Variants in CRK observed in about 807,000 individuals in gnomAD.
CRK encodes the protein adapter molecule crk.
Under a neutral mutation model 29.8 loss-of-function variants are expected in CRK, and 4 were observed. The ratio of observed to expected loss-of-function variants is 0.13; its 90% CI spans 0.07 to 0.31. The LOEUF (loss-of-function observed/expected upper bound fraction) is 0.31. Ranked by LOEUF, CRK falls within the 10% of genes least tolerant of loss-of-function variation. The pLI is 1.00. For synonymous variants in CRK, 153 were observed against 164.9 expected (o/e 0.93, Z 0.55); for missense variants, 274 against 396.5 (o/e 0.69, Z 2.62).
intron 1 of CRK, among the ~76,000 whole-genome samples, chr17:1,454,011 G>A (rs529244220): frequency 5.9e-5 from 9 of 152,156 alleles, no homozygotes; most frequent in Admixed American, 5.2e-4. Flanking sequence ...GACCAATCTG[G>A]CCAACCTGGT....
chr17:1,447,210 C>T lies in CRK; in HGVS notation c.241+8667G>A, dbSNP rs139652266. ...CAGCCAAAGGCAGGAAATAGAAGGG[C>T]GGGAAAGGAAGGAGGCACAGTCAGC... On this transcript the variant is annotated intron_variant, in intron 1 of 2. Coordinates refer to ENST00000300574, the MANE Select transcript of CRK (RefSeq NM_016823.4). Among the ~76,000 whole-genome samples the T allele has an allele frequency of 8.0e-4, 122 of 152,076 alleles. No individual in the cohort carries two copies. The East Asian group carries it at 0.019, about 24-fold the overall frequency.
chr17:1,450,729 C>CA (rs962763335), intron 1 of CRK, among the ~76,000 whole-genome samples: 2 of 151,344 alleles, frequency 1.3e-5, no homozygotes, highest in African/African-American at 2.4e-5. Flanking sequence ...ACTAAAAATA[C>CA]AAAAAAATTG....
At chr17:1,434,744 T>C (rs908757065) in intron 2 of CRK, among the ~76,000 whole-genome samples, 5 of 144,216 alleles carry the variant, frequency 3.5e-5, no homozygotes, top group African/African-American at 1.0e-4. Flanking sequence ...GATCGTGCCA[T>C]TGCACCCCAG....
At chr17:1,432,912 T>G (rs900165667) in intron 2 of CRK, among the ~76,000 whole-genome samples, 1 of 152,184 alleles carries the variant, frequency 6.6e-6, no homozygotes, top group Non-Finnish European at 1.5e-5. Context: ...CCTAGAAAAG[T>G]TGACTAAAAT....
rs2073730699 is a variant in CRK at position 1,422,073 on chromosome 17, T to C, written c.*1440A>G. On this transcript the variant is annotated 3_prime_UTR_variant, in exon 3 of 3. Coordinates refer to ENST00000300574, the MANE Select transcript of CRK (RefSeq NM_016823.4). ...CCAAAAATGAAGGCAGTTTACAATG[T>C]AATGTTCTTCAACAGCATTACTCTC... is the stretch of plus-strand genomic sequence containing the variant. 1 of 151,832 alleles carries C rather than the reference T, an allele frequency of 6.6e-6. No individual in the cohort carries two copies. The highest frequency in any genetic ancestry group is 1.5e-5 in the Non-Finnish European group (1 of 68,004). 9.4% of individuals were successfully genotyped at this position (151,832 alleles called of 1,614,324 possible).
At chr17:1,428,593 A>G (rs1024216246) in intron 2 of CRK, among the ~76,000 whole-genome samples, 4 of 127,866 alleles carry the variant, frequency 3.1e-5, no homozygotes, top group African/African-American at 1.2e-4. Flanking sequence ...GCATGATCTC[A>G]GCTCACTGCA....
rs1194501067 is a variant in CRK, at chr17:1,455,902, T to C, written c.216A>G (p.Pro72=). 2 of 1,589,984 alleles carry C rather than the reference T, an allele frequency of 1.3e-6. No homozygotes were observed. The highest frequency in any genetic ancestry group is 1.4e-5 in the African/African-American group (1 of 71,984). ...INSSGPRPPV[P]PSPAQPPPGV... The stretch of plus-strand genomic sequence containing the variant: ...CGGGCGGAGGCTGGGCGGGCGACGG[T>C]GGCACCGGCGGGCGCGGGCCGCTGC... The change falls in exon 1 of 3, where the codon CCA becomes CCG. Residue 72 remains proline (P), a synonymous_variant. Coordinates refer to ENST00000300574, the MANE Select transcript of CRK (RefSeq NM_016823.4).
chr17:1,443,314 A>G (rs1279847960), intron 1 of CRK, among the ~76,000 whole-genome samples: 1 of 152,024 alleles, frequency 6.6e-6, no homozygotes, highest in East Asian at 1.9e-4. Context: ...AAGCAATTCT[A>G]CAGTCTCAGC....
chr17:1,427,717 C>A (rs1164134703), intron 2 of CRK, among the ~76,000 whole-genome samples: 1 of 151,852 alleles, frequency 6.6e-6, no homozygotes, highest in Non-Finnish European at 1.5e-5. Flanking sequence ...GCAACCTCCA[C>A]CTGCCAGGTT....
chr17:1,438,846 TA>T (rs879459558), intron 1 of CRK, among the ~76,000 whole-genome samples: 3,599 of 145,262 alleles, frequency 0.025, 110 homozygotes, highest in African/African-American at 0.079. Flanking sequence ...AAAGTTTCTT[TA>T]AAAAAAAAAA....
chr17:1,446,945 C>T (rs926422450), intron 1 of CRK, among the ~76,000 whole-genome samples: 4 of 152,160 alleles, frequency 2.6e-5, no homozygotes, highest in African/African-American at 4.8e-5. Context: ...GTAAGCAAAA[C>T]GCCACGGAAA....
At chr17:1,425,888 T>C (rs1213506632) in intron 2 of CRK, among the ~76,000 whole-genome samples, 4 of 151,314 alleles carry the variant, frequency 2.6e-5, no homozygotes, top group Admixed American at 6.6e-5. Flanking sequence ...GACACAGAGG[T>C]TGAGAAAAAA....
intron 2 of CRK, among the ~76,000 whole-genome samples, chr17:1,435,964 G>A (rs935144829): frequency 6.6e-6 from 1 of 152,158 alleles, no homozygotes; most frequent in Non-Finnish European, 1.5e-5. Flanking sequence ...ACCATGTAAT[G>A]GCTGGCCAGA....
chr17:1,439,712 A>G (rs1335131031), intron 1 of CRK, among the ~76,000 whole-genome samples: 3 of 151,880 alleles, frequency 2.0e-5, no homozygotes, highest in Admixed American at 6.6e-5. Context: ...GCATGGTGGC[A>G]CACTTTTGTA....
At position 1,436,949 on chromosome 17, in the gene CRK, C is replaced by A; in HGVS notation, c.448G>T (p.Asp150Tyr). ...ATGTCTCCTTTCTTAAAGGGAAGAT[C>A]TTCCTCATCATTCCCATTAAAGTCA... ...LFDFNGNDEE[D>Y]LPFKKGDILR... The change falls in exon 2 of 3, where the codon GAT becomes TAT. Residue 150 changes from aspartate to tyrosine, a missense_variant. Physicochemically the swap from Asp to Tyr is radical, Grantham distance 160 (BLOSUM62 -3). Around this residue, in one of 3 missense-constraint regions of CRK, gnomAD observed 18 missense variants for 61.3 expected, o/e 0.29. Coordinates refer to ENST00000300574, the MANE Select transcript of CRK (RefSeq NM_016823.4). 1 of 1,614,206 alleles carries A rather than the reference C, an allele frequency of 6.2e-7. No homozygotes were observed.
intron 2 of CRK, among the ~76,000 whole-genome samples, chr17:1,430,532 A>AT (rs781366758): frequency 0.055 from 7,027 of 127,420 alleles, 317 homozygotes; most frequent in African/African-American, 0.12. Flanking sequence ...AATTTTTTGT[A>AT]TTTTTTTTTT....
Position 1,450,859 on chromosome 17 carries a change from C to T in CRK, c.241+5018G>A, listed in dbSNP as rs145656695. Among the ~76,000 whole-genome samples, 816 of 152,006 alleles carry T rather than the reference C, an allele frequency of 5.4e-3. 11 individuals carry two copies. The highest frequency in any genetic ancestry group is 0.019 in the African/African-American group (767 of 41,442). ...TGAGATCGCGCCACTGCACTCCAGA[C>T]GGGGCAACAAGAGCGAAACTCCCTC... On this transcript the variant is annotated intron_variant, in intron 1 of 2. Transcript: ENST00000300574.
rs908064178 is a variant in CRK at position 1,420,771 on chromosome 17, T to C, written c.*2742A>G. ...ATATACTATAAACATATACAATACA[T>C]GCTACCAAAAAAAATTTTTTTTTAA... On this transcript the variant is annotated 3_prime_UTR_variant, in exon 3 of 3. Transcript: ENST00000300574. The C allele has an allele frequency of 6.6e-6, 1 of 152,078 alleles. No homozygotes were observed. The highest frequency in any genetic ancestry group is 2.1e-4 in the South Asian group (1 of 4,830). The allele number at this position is 152,078 out of a possible 1,614,324, so 9.4% of individuals were successfully genotyped here.
chr17:1,432,364 C>G (rs2073851495), intron 2 of CRK, among the ~76,000 whole-genome samples: 1 of 151,108 alleles, frequency 6.6e-6, no homozygotes, highest in African/African-American at 2.4e-5. Flanking sequence ...TGGTGGATGC[C>G]TGTAATCCCA....
Sources: allele counts gnomAD v4.1 joint callset (sites outside exome capture counted in the v4.1 genomes callset), GRCh38; gene constraint gnomAD v4.1.1; regional missense constraint gnomAD v4.1.1; transcripts MANE v1.5; gene names NCBI Gene and HGNC (gene_info 2026-07-23, HGNC 2026-07-21).